The following RORB variants were observed in gnomAD, a reference collection of about 807,000 sequenced individuals.
The protein encoded by RORB is RAR related orphan receptor B.
RORB carries 6 observed loss-of-function variants against 59.1 expected under a neutral mutation model. The observed-to-expected ratio is 0.10, with a 90% CI of 0.06 to 0.20. The LOEUF (loss-of-function observed/expected upper bound fraction) is 0.20, where lower values mean the gene tolerates loss of function less well. Ranked by LOEUF, RORB falls within the 10% of genes least tolerant of loss-of-function variation. The pLI, the probability that RORB is intolerant of heterozygous loss-of-function variation, is 1.00. For missense variants in RORB, 320 were observed against 560.5 expected, an observed-to-expected ratio of 0.57 and a Z score of 4.33; for synonymous variants, 215 against 204.5, an observed-to-expected ratio of 1.05 and a Z score of -0.44.
At chr9:74,664,850 C>T (rs765207489) in intron 6 of RORB, among the ~76,000 whole-genome samples, 4 of 152,220 alleles carry the variant, frequency 2.6e-5, no homozygotes, top group Non-Finnish European at 5.9e-5. Context: ...GGGGCAAAAG[C>T]CCATTTCTCC....
chr9:74,665,437 G>GAT, intron 6 of RORB, 51 bp from the exon 7 acceptor site: 1 of 1,103,590 alleles, frequency 9.1e-7, no homozygotes, highest in East Asian at 2.6e-5. Flanking sequence ...TTTATTATTG[G>GAT]ATATATATGT....
At chr9:74,628,344 A>C (rs902497357) in intron 1 of RORB, among the ~76,000 whole-genome samples, 1 of 152,144 alleles carries the variant, frequency 6.6e-6, no homozygotes, top group Admixed American at 6.5e-5. Flanking sequence ...TATTGGAGTA[A>C]TATAGGAATT....
chr9:74,631,831 AG>A (rs1316340932), intron 2 of RORB, among the ~76,000 whole-genome samples: 1 of 152,198 alleles, frequency 6.6e-6, no homozygotes, highest in Admixed American at 6.5e-5. Flanking sequence ...CAACTCATCA[AG>A]AATAAACAAG....
intron 1 of RORB, among the ~76,000 whole-genome samples, chr9:74,588,822 C>A (rs1563945578): frequency 6.6e-6 from 1 of 152,096 alleles, no homozygotes; most frequent in Non-Finnish European, 1.5e-5. Context: ...AGCAAGATAT[C>A]TTTTAATCCT....
At chr9:74,564,876 G>A (rs1030406344) in intron 1 of RORB, among the ~76,000 whole-genome samples, 1 of 152,194 alleles carries the variant, frequency 6.6e-6, no homozygotes, top group Non-Finnish European at 1.5e-5. Flanking sequence ...CAGAAGCTTA[G>A]GCTTGGGTTG....
intron 1 of RORB, among the ~76,000 whole-genome samples, chr9:74,616,976 T>C (rs1823321940): frequency 6.8e-6 from 1 of 146,766 alleles, no homozygotes; most frequent in Non-Finnish European, 1.5e-5. Context: ...TATCCCAAAT[T>C]AAAGCTGTAG....
At chr9:74,602,309 C>T (rs994617352) in intron 1 of RORB, among the ~76,000 whole-genome samples, 1 of 152,100 alleles carries the variant, frequency 6.6e-6, no homozygotes, top group Non-Finnish European at 1.5e-5. Flanking sequence ...ATCATAAGCA[C>T]TTAATAATTT....
chr9:74,671,758 C>A, intron 8 of RORB, 31 bp from the exon 9 acceptor site: 1 of 1,367,010 alleles, frequency 7.3e-7, no homozygotes, highest in Non-Finnish European at 1.0e-6. Context: ...AGTTGATGTT[C>A]CCTCCACTTA....
At chr9:74,645,960 A>C (rs2118472205) in intron 4 of RORB, among the ~76,000 whole-genome samples, 1 of 152,220 alleles carries the variant, frequency 6.6e-6, no homozygotes, top group Admixed American at 6.5e-5. Context: ...GGCACTACAA[A>C]CTGGAGCTTT....
chr9:74,510,903 C>G (rs1230086086), intron 1 of RORB, among the ~76,000 whole-genome samples: 1 of 152,058 alleles, frequency 6.6e-6, no homozygotes, highest in African/African-American at 2.4e-5. Flanking sequence ...TGTGATGACA[C>G]CCTCATATTC....
intron 1 of RORB, among the ~76,000 whole-genome samples, chr9:74,541,017 A>G (rs1364320178): frequency 6.6e-6 from 1 of 152,156 alleles, no homozygotes; most frequent in African/African-American, 2.4e-5. Context: ...ACCGTGGTGC[A>G]CGCCTATAAT....
Position 74,657,979 on chromosome 9 carries a change from G to A in RORB, c.638-2638G>A, listed in dbSNP as rs185697060. ...AAGATCGTGCCACTGCCATCCAGCC[G>A]GGGCAACACAGTGAGACTCGGTCTC... On this transcript the variant is annotated intron_variant, in intron 4 of 9. Transcript: ENST00000376896. Among the ~76,000 whole-genome samples, 314 of 139,214 alleles carry A rather than the reference G, an allele frequency of 2.3e-3. 1 individual carries two copies. The highest frequency in any genetic ancestry group is 4.2e-3 in the Middle Eastern group (1 of 236). The allele number at this position is 139,214 out of a possible 152,430, so 91.3% of individuals were successfully genotyped here.
chr9:74,527,161 G>A (rs1256945962), intron 1 of RORB, among the ~76,000 whole-genome samples: 2 of 151,974 alleles, frequency 1.3e-5, no homozygotes, highest in African/African-American at 4.8e-5. Flanking sequence ...ATTTTTCAGT[G>A]TGAAAGGACT....
chr9:74,643,531 T>A (rs996547134), intron 4 of RORB, among the ~76,000 whole-genome samples: 16 of 152,226 alleles, frequency 1.1e-4, no homozygotes, highest in African/African-American at 3.9e-4. Flanking sequence ...CCACTGCAAC[T>A]TTGTTTTACT....
intron 2 of RORB, among the ~76,000 whole-genome samples, chr9:74,632,278 T>A (rs953517694): frequency 6.6e-6 from 1 of 152,190 alleles, no homozygotes; most frequent in Non-Finnish European, 1.5e-5. Flanking sequence ...ATTATGCTGT[T>A]ATTATGAAGC....
chr9:74,673,415 G>A (rs183416755), intron 9 of RORB, among the ~76,000 whole-genome samples: 23 of 152,102 alleles, frequency 1.5e-4, no homozygotes, highest in East Asian at 1.4e-3. Context: ...AGGATTGTCC[G>A]CTTGTATGAA....
intron 1 of RORB, among the ~76,000 whole-genome samples, chr9:74,527,308 A>G (rs1448187826): frequency 6.6e-6 from 1 of 151,986 alleles, no homozygotes; most frequent in African/African-American, 2.4e-5. Context: ...ATTCATTCTT[A>G]AGTATTTACT....
At chr9:74,525,803 A>T (rs1007031794) in intron 1 of RORB, among the ~76,000 whole-genome samples, 1 of 151,970 alleles carries the variant, frequency 6.6e-6, no homozygotes, top group Non-Finnish European at 1.5e-5. Flanking sequence ...TGCGTCCCGA[A>T]ATTCCCAACT....
chr9:74,531,739 C>CA lies in RORB; in HGVS notation c.7+33759dup, dbSNP rs1431266089. On this transcript the variant is annotated intron_variant, in intron 1 of 9. Coordinates refer to ENST00000376896, the MANE Select transcript of RORB (RefSeq NM_006914.4). The stretch of plus-strand genomic sequence containing the variant: ...TCTTCTTTTGAAAGAAAAATAAGTA[C>CA]AAATGAACTCAGAATAGCTTTTCTC... 7.9e-5 allele frequency among the ~76,000 whole-genome samples: 12 copies of CA among 152,016 alleles called. No homozygotes were observed. In the East Asian group the frequency reaches 2.1e-3, roughly 27 times the overall value.
Sources: allele counts gnomAD v4.1 joint callset (sites outside exome capture counted in the v4.1 genomes callset), GRCh38; gene constraint gnomAD v4.1.1; transcripts MANE v1.5; gene names NCBI Gene and HGNC (gene_info 2026-07-23, HGNC 2026-07-21).